The following IL1RAPL1 variants were observed in gnomAD, a reference collection of about 807,000 sequenced individuals.
IL1RAPL1 encodes the protein interleukin-1 receptor accessory protein-like 1.
A neutral mutation model predicts 48.4 loss-of-function variants in IL1RAPL1; 3 were observed. That is an observed-to-expected ratio of 0.06 (90% CI 0.03 to 0.16). IL1RAPL1 has a LOEUF of 0.16. Ranked by LOEUF, IL1RAPL1 falls within the 10% of genes least tolerant of loss-of-function variation. The pLI is 1.00. For missense variants in IL1RAPL1, 349 were observed against 530.6 expected, an observed-to-expected ratio of 0.66 and a Z score of 3.36; for synonymous variants, 185 against 187.7, an observed-to-expected ratio of 0.99 and a Z score of 0.12.
rs186040570 is a variant in IL1RAPL1, at chrX:29,722,060, C to T, written c.778+53556C>T. ...TGCCCACTTTTCTATTGGTATGCACCTTCTTTTTTATTGTATTTATTTAAG... is the reference window on the plus strand; with the variant it reads ...TGCCCACTTTTCTATTGGTATGCACTTTCTTTTTTATTGTATTTATTTAAG... On this transcript the variant is annotated intron_variant, in intron 6 of 10. Coordinates refer to ENST00000378993, the MANE Select transcript of IL1RAPL1 (RefSeq NM_014271.4). 1.8e-3 allele frequency among the ~76,000 whole-genome samples: 197 copies of T among 111,010 alleles called. 1 individual carries two copies. Among genetic ancestry groups the T allele is most frequent in the African/African-American group, 6.3e-3 (192 of 30,581 alleles).
chrX:29,756,178 G>A (rs1928607807), intron 6 of IL1RAPL1, among the ~76,000 whole-genome samples: 1 of 111,544 alleles, frequency 9.0e-6, no homozygotes, highest in Non-Finnish European at 1.9e-5. Flanking sequence ...ATAGAAAGAT[G>A]TCCATAATAT....
chrX:29,950,528 CTATAAA>C (rs1452854590), intron 9 of IL1RAPL1, among the ~76,000 whole-genome samples: 2 of 111,104 alleles, frequency 1.8e-5, no homozygotes, highest in Non-Finnish European at 3.8e-5. Flanking sequence ...TGAGAGTTTG[CTATAAA>C]TATAAATTCT....
chrX:29,752,777 T>C (rs1400155607), intron 6 of IL1RAPL1, among the ~76,000 whole-genome samples: 1 of 111,739 alleles, frequency 8.9e-6, no homozygotes, highest in Admixed American at 9.6e-5. Flanking sequence ...TTAGAAATGG[T>C]ACAGAGGAAA....
At chrX:29,515,010 A>G (rs1422988753) in intron 5 of IL1RAPL1, among the ~76,000 whole-genome samples, 2 of 112,492 alleles carry the variant, frequency 1.8e-5, no homozygotes, top group East Asian at 5.6e-4. Context: ...GTGCAGCTAT[A>G]GCCAGTAACA....
At chrX:29,662,000 T>C (rs1925860298) in intron 5 of IL1RAPL1, among the ~76,000 whole-genome samples, 3 of 111,298 alleles carry the variant, frequency 2.7e-5, no homozygotes, top group African/African-American at 9.8e-5. Context: ...AACACCAAAA[T>C]GCCAGAGTGA....
intron 2 of IL1RAPL1, among the ~76,000 whole-genome samples, chrX:28,901,665 T>C (rs1923078204): frequency 1.8e-5 from 2 of 112,225 alleles, no homozygotes; most frequent in Non-Finnish European, 3.8e-5. Flanking sequence ...CTTTTTTGCC[T>C]CTTATTTTGT....
chrX:29,211,781 A>C (rs1250261907), intron 2 of IL1RAPL1, among the ~76,000 whole-genome samples: 1 of 111,559 alleles, frequency 9.0e-6, no homozygotes, highest in Non-Finnish European at 1.9e-5. Context: ...TTTTAAAATG[A>C]AATTTTGGAA....
intron 2 of IL1RAPL1, among the ~76,000 whole-genome samples, chrX:28,790,071 T>G (rs754816374): frequency 1.3e-4 from 15 of 112,301 alleles, no homozygotes; most frequent in Non-Finnish European, 2.4e-4. Flanking sequence ...ATTGAATAAA[T>G]ACCATTATCA....
chrX:28,832,050 T>C (rs749130715), intron 2 of IL1RAPL1, among the ~76,000 whole-genome samples: 1 of 111,341 alleles, frequency 9.0e-6, no homozygotes, highest in South Asian at 3.7e-4. Flanking sequence ...GGTGTAATGA[T>C]CGTCAGCGTA....
At chrX:29,754,236 A>T in intron 6 of IL1RAPL1, among the ~76,000 whole-genome samples, 1 of 111,896 alleles carries the variant, frequency 8.9e-6, no homozygotes, top group East Asian at 2.8e-4. Context: ...ACTCAGATTC[A>T]TCCTGGATAA....
intron 1 of IL1RAPL1, among the ~76,000 whole-genome samples, chrX:28,639,760 CA>C (rs1241478195): frequency 8.9e-6 from 1 of 112,032 alleles, no homozygotes; most frequent in Non-Finnish European, 1.9e-5. Context: ...AGCCCTGGAA[CA>C]AAAATTGTAC....
At chrX:29,924,404 TTTTG>T (rs1326367295) in intron 8 of IL1RAPL1, among the ~76,000 whole-genome samples, 1 of 112,415 alleles carries the variant, frequency 8.9e-6, no homozygotes, top group African/African-American at 3.2e-5. Flanking sequence ...TAAAGGATAA[TTTTG>T]TTTATTTATT....
At chrX:29,774,894 A>C (rs775556806) in intron 6 of IL1RAPL1, among the ~76,000 whole-genome samples, 1 of 112,472 alleles carries the variant, frequency 8.9e-6, no homozygotes, top group South Asian at 3.7e-4. Flanking sequence ...TTGATGGTTA[A>C]ATTTCCAGTT....
intron 2 of IL1RAPL1, among the ~76,000 whole-genome samples, chrX:28,966,107 G>C (rs927103808): frequency 3.6e-5 from 4 of 111,766 alleles, no homozygotes; most frequent in Non-Finnish European, 7.5e-5. Flanking sequence ...GAGCAAAACA[G>C]AAATTTTACA....
At chrX:29,855,653 C>T (rs1010231822) in intron 6 of IL1RAPL1, among the ~76,000 whole-genome samples, 4 of 110,484 alleles carry the variant, frequency 3.6e-5, no homozygotes, top group African/African-American at 9.9e-5. Flanking sequence ...TGGAACTGCA[C>T]GAGTGGCAGA....
intron 6 of IL1RAPL1, among the ~76,000 whole-genome samples, chrX:29,814,317 G>A (rs1482089290): frequency 9.0e-6 from 1 of 111,441 alleles, no homozygotes; most frequent in Non-Finnish European, 1.9e-5. Flanking sequence ...GTTTTGATTT[G>A]CATTTCTCTG....
intron 1 of IL1RAPL1, among the ~76,000 whole-genome samples, chrX:28,615,695 C>T (rs773346067): frequency 9.0e-6 from 1 of 110,615 alleles, no homozygotes; most frequent in East Asian, 2.9e-4. Context: ...AAATGCGAGT[C>T]GCTTAGATCT....
chrX:29,581,687 T>G (rs1308632518), intron 5 of IL1RAPL1, among the ~76,000 whole-genome samples: 1 of 111,442 alleles, frequency 9.0e-6, no homozygotes, highest in East Asian at 2.8e-4. Context: ...TTGTAACACT[T>G]AAACATTTTG....
In IL1RAPL1 at chrX:28,998,163, AT is replaced by A. The variant is rs1005582096; in HGVS notation, c.82+208746del. 5.5e-5 allele frequency among the ~76,000 whole-genome samples: 6 copies of A among 109,865 alleles called. No individual in the cohort carries two copies. In the South Asian group the frequency reaches 1.5e-3, roughly 28 times the overall value. ...ACAAATAAGCCAATGTTATTTATTT[AT>A]TTTTTTTAGCTCAGGATGGTTTAAT... On this transcript the variant is annotated intron_variant, in intron 2 of 10. Coordinates refer to ENST00000378993, the MANE Select transcript of IL1RAPL1 (RefSeq NM_014271.4).
Sources: gnomAD v4.1 joint callset for allele counts (sites outside exome capture counted in the v4.1 genomes callset) on GRCh38, gnomAD v4.1.1 for gene constraint, MANE v1.5 for transcripts, NCBI Gene and HGNC (gene_info 2026-07-23, HGNC 2026-07-21) for gene names.